The following UBE3C variants were observed in gnomAD, a reference collection of about 807,000 sequenced individuals.
The protein encoded by UBE3C is ubiquitin-protein ligase E3C.
A neutral mutation model predicts 129.4 loss-of-function variants in UBE3C; 42 were observed. The ratio of observed to expected loss-of-function variants is 0.32; its 90% CI spans 0.25 to 0.42. The LOEUF is 0.42. Among genes scored for constraint, UBE3C ranks in the 10% least tolerant of loss-of-function variants. The pLI is 1.00. For synonymous variants in UBE3C, 510 were observed against 492.4 expected, an observed-to-expected ratio of 1.04 and a Z score of -0.47; for missense variants, 1,049 against 1,319.1, an observed-to-expected ratio of 0.80 and a Z score of 3.17.
At chr7:157,242,437 A>G (rs1397600492) in intron 18 of UBE3C, among the ~76,000 whole-genome samples, 1 of 151,528 alleles carries the variant, frequency 6.6e-6, no homozygotes, top group Non-Finnish European at 1.5e-5. Flanking sequence ...AGAATTTTGA[A>G]ACTTGAAAGA....
At chr7:157,215,569 G>A (rs1364197415) in intron 13 of UBE3C, among the ~76,000 whole-genome samples, 6 of 146,970 alleles carry the variant, frequency 4.1e-5, no homozygotes, top group East Asian at 3.9e-4. Context: ...ATATATATTA[G>A]AAATGTTATT....
intron 18 of UBE3C, among the ~76,000 whole-genome samples, chr7:157,240,679 A>C (rs939989909): frequency 1.3e-5 from 2 of 152,160 alleles, no homozygotes; most frequent in Non-Finnish European, 2.9e-5. Flanking sequence ...TAGAGAGGAA[A>C]TTAATCCGTG....
intron 2 of UBE3C, among the ~76,000 whole-genome samples, chr7:157,167,697 C>T (rs558196703): frequency 4.6e-5 from 7 of 152,044 alleles, no homozygotes; most frequent in East Asian, 3.9e-4. Flanking sequence ...CCACCATGCC[C>T]GGCTAATTTT....
chr7:157,231,038 T>G, intron 17 of UBE3C, 42 bp from the exon 18 acceptor site: 1 of 1,605,120 alleles, frequency 6.2e-7, no homozygotes, highest in Non-Finnish European at 8.5e-7. Context: ...ATTGCTTGCT[T>G]GTAACATCTT....
chr7:157,201,343 G>A (rs1347463124), intron 10 of UBE3C, among the ~76,000 whole-genome samples: 5 of 151,940 alleles, frequency 3.3e-5, no homozygotes, highest in Admixed American at 1.3e-4. Flanking sequence ...AAAAAGAAAA[G>A]TATAAGCAGT....
At chr7:157,153,677 G>A (rs947424946) in intron 1 of UBE3C, among the ~76,000 whole-genome samples, 2 of 152,092 alleles carry the variant, frequency 1.3e-5, no homozygotes, top group African/African-American at 2.4e-5. Context: ...GAATGGTTGC[G>A]TTTCTACTCT....
At position 157,182,225 on chromosome 7, in the gene UBE3C, C is replaced by G; in HGVS notation, c.888C>G (p.Pro296=). ...CGCAGACCGTTTTCCCTTACGAGCCCTTTCTGAATGCACTGTTGTTAATAG... is the reference window on the plus strand; with the variant it reads ...CGCAGACCGTTTTCCCTTACGAGCCGTTTCTGAATGCACTGTTGTTAATAG... ...ADAQTVFPYE[P]FLNALLLIES... is the part of the protein sequence containing the mutation. Residue 296 remains proline (P), a synonymous_variant, in exon 8 of 23, where the codon CCC becomes CCG. Coordinates refer to ENST00000348165, the MANE Select transcript of UBE3C (RefSeq NM_014671.3). 6.2e-7 allele frequency: 1 copy of G among 1,614,198 alleles called. No homozygotes were observed. The highest frequency in any genetic ancestry group is 1.7e-4 in the Middle Eastern group (1 of 6,060).
At chr7:157,235,287 G>T (rs959421708) in intron 18 of UBE3C, among the ~76,000 whole-genome samples, 3 of 152,122 alleles carry the variant, frequency 2.0e-5, no homozygotes, top group African/African-American at 4.8e-5. Flanking sequence ...TAATATATAT[G>T]TGAAAATAAA....
intron 1 of UBE3C, among the ~76,000 whole-genome samples, chr7:157,143,809 A>G (rs1408782191): frequency 6.6e-6 from 1 of 152,184 alleles, no homozygotes; most frequent in Non-Finnish European, 1.5e-5. Flanking sequence ...GGGGGTTATC[A>G]ACAGAATGGT....
At chr7:157,246,793 C>A (rs929858463) in intron 18 of UBE3C, among the ~76,000 whole-genome samples, 13 of 152,166 alleles carry the variant, frequency 8.5e-5, no homozygotes, top group Non-Finnish European at 2.9e-5. Context: ...TAAAACTGTT[C>A]TCCACCTGTT....
Position 157,226,374 on chromosome 7 carries a change from G to A in UBE3C, c.2233+835G>A, listed in dbSNP as rs185505525. Among the ~76,000 whole-genome samples the A allele has an allele frequency of 3.9e-4, 60 of 152,284 alleles. 1 individual carries two copies. The highest frequency in any genetic ancestry group is 3.1e-3 in the South Asian group (15 of 4,818). ...ATTTGATACTCAGTCTTGAAAGTTCGTGTGCTATTAACCTCTAATATATTA... is the reference window on the plus strand; with the variant it reads ...ATTTGATACTCAGTCTTGAAAGTTCATGTGCTATTAACCTCTAATATATTA... On this transcript the variant is annotated intron_variant, in intron 17 of 22. Transcript: ENST00000348165.
At chr7:157,178,644 AT>A in intron 5 of UBE3C, 45 bp from the exon 6 acceptor site, 1 of 1,579,624 alleles carries the variant, frequency 6.3e-7, no homozygotes, top group South Asian at 1.2e-5. Context: ...AACTGGTGAC[AT>A]TTTGCCATCC....
intron 15 of UBE3C, 190 bp from the exon 16 acceptor site, chr7:157,223,064 G>A: frequency 1.8e-6 from 1 of 556,368 alleles, no homozygotes. Context: ...ATGTGTTCGG[G>A]GAGCTACTGT....
intron 4 of UBE3C, among the ~76,000 whole-genome samples, chr7:157,171,678 ATATATATATTTTTTTTTTTTT>A (rs1808372925): frequency 1.6e-4 from 5 of 32,154 alleles, no homozygotes; most frequent in South Asian, 1.1e-3. Flanking sequence ...ATATATATAT[ATATATATATTTTTTTTTTTTT>A]TTTTTTTTTT....
chr7:157,165,607 C>T (rs1586656347), intron 2 of UBE3C, among the ~76,000 whole-genome samples: 2 of 152,228 alleles, frequency 1.3e-5, no homozygotes, highest in South Asian at 4.2e-4. Context: ...CCATGTTGGG[C>T]AGGCTAGTCT....
chr7:157,264,356 T>TAC (rs35601959), intron 22 of UBE3C, among the ~76,000 whole-genome samples: 5 of 108,788 alleles, frequency 4.6e-5, no homozygotes, highest in Non-Finnish European at 8.8e-5. Context: ...CTCGGCCTGT[T>TAC]ACACACACAC....
chr7:157,166,931 TGG>T (rs1563036418), intron 2 of UBE3C, among the ~76,000 whole-genome samples: 5 of 131,626 alleles, frequency 3.8e-5, no homozygotes, highest in South Asian at 2.3e-4. Context: ...GTGGTGGTGG[TGG>T]TGGTGGTGGT....
intron 22 of UBE3C, among the ~76,000 whole-genome samples, chr7:157,259,779 G>A (rs188363501): frequency 3.2e-4 from 49 of 152,286 alleles, no homozygotes; most frequent in African/African-American, 1.1e-3. Flanking sequence ...TGTGGGGGTC[G>A]CTGCGGAACT....
At chr7:157,141,005 G>A (rs1362164911) in intron 1 of UBE3C, among the ~76,000 whole-genome samples, 1 of 152,344 alleles carries the variant, frequency 6.6e-6, no homozygotes, top group East Asian at 1.9e-4. Flanking sequence ...GGAGGCTAGC[G>A]TTAACCCCAT....
Sources: gnomAD v4.1 joint callset for allele counts (sites outside exome capture counted in the v4.1 genomes callset) on GRCh38, gnomAD v4.1.1 for gene constraint, MANE v1.5 for transcripts, NCBI Gene and HGNC (gene_info 2026-07-23, HGNC 2026-07-21) for gene names.